Variants in ZNF76 observed in about 807,000 individuals in gnomAD.
ZNF76 encodes zinc finger protein 76.
In ZNF76, 66 loss-of-function variants were observed where a neutral mutation model predicts 66.9. The ratio of observed to expected loss-of-function variants is 0.99; its 90% CI spans 0.81 to 1.21. The LOEUF is 1.21. Among genes scored for constraint, ZNF76 ranks in the 50% most tolerant of loss-of-function variants. The probability of loss-of-function intolerance (pLI) is 0.00; values close to 1 mark genes in which losing one functional copy is unlikely to be tolerated. For missense variants in ZNF76, 729 were observed against 760.3 expected, an observed-to-expected ratio of 0.96 and a Z score of 0.48; for synonymous variants, 275 against 296.1, an observed-to-expected ratio of 0.93 and a Z score of 0.73.
rs76952654 is a variant in ZNF76 at position 35,281,214 on chromosome 6, A to G, written c.63A>G (p.Gln21=). The change falls in exon 2 of 14, where the codon CAA becomes CAG. Residue 21 remains glutamine (Q), a synonymous_variant. Transcript: ENST00000373953. ...LSDGTTAYVQ[Q]AVKGEKLLEG... ...ATGGGACAACAGCCTACGTCCAGCA[A>G]GCTGTCAAAGGTAAGTATTTCTGGG... 2,258 of 1,613,702 alleles carry G rather than the reference A, an allele frequency of 1.4e-3. 21 individuals are homozygous for G. In the East Asian group the frequency reaches 0.017, roughly 12 times the overall value.
chr6:35,290,630 T>A lies in ZNF76; in HGVS notation c.550-11T>A. ...TGCTCCTCTGAATTATGTGATTGCT[T>A]GTCCTCACAGGTGCATGAACGAGCT... On this transcript the variant is annotated splice_polypyrimidine_tract_variant and intron_variant, in intron 6 of 13. Transcript: ENST00000373953. The A allele has an allele frequency of 1.2e-6, 2 of 1,614,088 alleles. No individual in the cohort carries two copies. Among genetic ancestry groups the A allele is most frequent in the Non-Finnish European group, 1.7e-6 (2 of 1,179,938 alleles).
intron 1 of ZNF76, among the ~76,000 whole-genome samples, chr6:35,266,836 C>CT (rs368995532): frequency 0.039 from 5,289 of 136,070 alleles, 314 homozygotes; most frequent in East Asian, 0.3. Flanking sequence ...GAGTCTCGCT[C>CT]GTCACCCAGG....
chr6:35,277,416 A>C (rs1258122742), intron 1 of ZNF76, among the ~76,000 whole-genome samples: 6 of 152,222 alleles, frequency 3.9e-5, no homozygotes, highest in Admixed American at 1.3e-4. Context: ...GCAAAGGCTC[A>C]CACACCAAAA....
At chr6:35,281,476 A>C (rs752102963) in intron 2 of ZNF76, among the ~76,000 whole-genome samples, 1 of 152,244 alleles carries the variant, frequency 6.6e-6, no homozygotes, top group Non-Finnish European at 1.5e-5. Context: ...AATATGTAAT[A>C]AGCAGTTGAT....
In ZNF76 at chr6:35,293,923, C is replaced by T; in HGVS notation, c.1494+8C>T. 1 of 1,613,418 alleles carries T rather than the reference C, an allele frequency of 6.2e-7. No homozygotes were observed. Among genetic ancestry groups the T allele is most frequent in the Non-Finnish European group, 8.5e-7 (1 of 1,179,562 alleles). Reference sequence around the variant, plus strand: ...GGCACCCAGACGCAGCCCGTATGACCAGGCGGTTTGCTTGGGGTTTCTTAT... The same window carrying T: ...GGCACCCAGACGCAGCCCGTATGACTAGGCGGTTTGCTTGGGGTTTCTTAT... On this transcript the variant is annotated splice_region_variant and intron_variant, in intron 12 of 13. Transcript: ENST00000373953.
At chr6:35,294,793 G>A in intron 13 of ZNF76, 1 of 597,452 alleles carries the variant, frequency 1.7e-6, no homozygotes, top group African/African-American at 1.8e-5. Context: ...AACTCCGATG[G>A]CAGTCCACCT....
In ZNF76 at chr6:35,293,853, C is replaced by T. The variant is rs1790791741; in HGVS notation, c.1432C>T (p.Leu478=). 1 of 1,614,058 alleles carries T rather than the reference C, an allele frequency of 6.2e-7. No individual in the cohort carries two copies. The highest frequency in any genetic ancestry group is 1.3e-5 in the African/African-American group (1 of 74,928). The change falls in exon 12 of 14, where the codon CTG becomes TTG. Residue 478 remains leucine (L), a synonymous_variant. Transcript: ENST00000373953. ...TLTIPSPDAD[L]ATSGTHTVTM... is the part of the protein sequence containing the mutation. ...CACCATCCCCAGTCCTGATGCCGAC[C>T]TGGCCACATCTGGCACACATACAGT...
chr6:35,292,013 T>C lies in ZNF76; in HGVS notation c.931+276T>C, dbSNP rs1790468763. Reference sequence around the variant, plus strand: ...CTACACCCACCCTGAGTTCTCCAACTCTGACTGAACTCTTGAAAAGAGGCC... The same window carrying C: ...CTACACCCACCCTGAGTTCTCCAACCCTGACTGAACTCTTGAAAAGAGGCC... On this transcript the variant is annotated intron_variant, in intron 9 of 13. Coordinates refer to ENST00000373953, the MANE Select transcript of ZNF76 (RefSeq NM_003427.5). This position sits in a 1 kb window ranked among gnomAD's most constrained non-coding sequence, Gnocchi z 4.7. The C allele has an allele frequency of 1.9e-6, 1 of 536,528 alleles. No homozygotes were observed. Among genetic ancestry groups the C allele is most frequent in the Non-Finnish European group, 3.4e-6 (1 of 295,870 alleles). The allele number at this position is 536,528 out of a possible 1,614,324, so 33.2% of individuals were successfully genotyped here. A position where few individuals can be genotyped will look rare whatever the true frequency, so the allele number is the denominator to read the frequency against.
Position 35,295,614 on chromosome 6 carries a change from G to C in ZNF76, c.*366G>C. The C allele has an allele frequency of 3.1e-6, 1 of 326,788 alleles. No individual in the cohort carries two copies. The highest frequency in any genetic ancestry group is 2.5e-5 in the South Asian group (1 of 39,234). The allele number at this position is 326,788 out of a possible 1,614,324, so 20.2% of individuals were successfully genotyped here. On this transcript the variant is annotated 3_prime_UTR_variant, in exon 14 of 14. Transcript: ENST00000373953. ...GCTGCTATGGGGACTGGCCCTGTAG[G>C]GTTGAGCCACAGACAGCTCTTCAGC...
intron 1 of ZNF76, among the ~76,000 whole-genome samples, chr6:35,270,863 T>A (rs1225123781): frequency 6.6e-6 from 1 of 152,176 alleles, no homozygotes; most frequent in Non-Finnish European, 1.5e-5. Context: ...AGCCCACAGA[T>A]TTTTTAATGC....
intron 1 of ZNF76, among the ~76,000 whole-genome samples, chr6:35,271,942 T>G (rs979639170): frequency 1.4e-5 from 2 of 142,350 alleles, no homozygotes; most frequent in Non-Finnish European, 3.1e-5. Context: ...TTTAAAAATT[T>G]AAAAAAAGAA....
chr6:35,276,982 A>C (rs570578351), intron 1 of ZNF76, among the ~76,000 whole-genome samples: 1 of 144,780 alleles, frequency 6.9e-6, no homozygotes, highest in African/African-American at 2.5e-5. Flanking sequence ...TTTTTTTAGC[A>C]GAGGCGGGGT....
At chr6:35,263,766 T>C (rs1190372371) in intron 1 of ZNF76, among the ~76,000 whole-genome samples, 2 of 152,166 alleles carry the variant, frequency 1.3e-5, no homozygotes, top group African/African-American at 4.8e-5. Context: ...TTCTTTTCTT[T>C]TCGAGATGGA....
Position 35,290,120 on chromosome 6 carries a change from T to A in ZNF76, c.433-146T>A. 3.8e-6 allele frequency: 4 copies of A among 1,064,728 alleles called. No homozygotes were observed. In the Admixed American group the frequency reaches 9.1e-5, roughly 24 times the overall value. 66.0% of individuals were successfully genotyped at this position (1,064,728 alleles called of 1,614,324 possible). On this transcript the variant is annotated intron_variant, in intron 5 of 13. Transcript: ENST00000373953. ...TGTAGCATGCCCCAGCATCTGTTCC[T>A]TGTCCGTCTAGTTATGTTCTTCTGC...
At chr6:35,275,674 CTT>C (rs1787790054) in intron 1 of ZNF76, among the ~76,000 whole-genome samples, 1 of 152,104 alleles carries the variant, frequency 6.6e-6, no homozygotes, top group Non-Finnish European at 1.5e-5. Flanking sequence ...ACAGTAGCCT[CTT>C]TTAAAGGTTT....
At chr6:35,271,269 G>T (rs951566417) in intron 1 of ZNF76, among the ~76,000 whole-genome samples, 6 of 152,180 alleles carry the variant, frequency 3.9e-5, no homozygotes, top group Middle Eastern at 6.3e-3. Context: ...GGTTGCTATT[G>T]TCAAACTCTC....
intron 1 of ZNF76, among the ~76,000 whole-genome samples, chr6:35,268,904 C>T (rs1258209930): frequency 1.3e-5 from 2 of 152,046 alleles, no homozygotes; most frequent in South Asian, 4.1e-4. Flanking sequence ...ACTTCAAATG[C>T]CTTTTACCCT....
intron 1 of ZNF76, among the ~76,000 whole-genome samples, chr6:35,270,934 A>G (rs981292892): frequency 3.3e-5 from 5 of 152,334 alleles, no homozygotes; most frequent in South Asian, 2.1e-4. Flanking sequence ...GTGAGCCAAG[A>G]TCACACCACT....
intron 1 of ZNF76, among the ~76,000 whole-genome samples, chr6:35,261,002 A>T (rs1036599264): frequency 2.0e-5 from 3 of 152,156 alleles, no homozygotes; most frequent in African/African-American, 7.2e-5. Context: ...GCAGTATAGC[A>T]GAGTGCTTCA....
Sources: gnomAD v4.1 joint callset for allele counts (sites outside exome capture counted in the v4.1 genomes callset) on GRCh38, gnomAD v4.1.1 for gene constraint, Gnocchi (gnomAD v3.1) non-coding constraint, MANE v1.5 for transcripts, NCBI Gene and HGNC (gene_info 2026-07-23, HGNC 2026-07-21) for gene names.